FER: variants seen among roughly 807,000 people sequenced by gnomAD.
FER encodes tyrosine-protein kinase Fer.
FER carries 63 observed loss-of-function variants against 111.0 expected under a neutral mutation model. The observed-to-expected ratio is 0.57, with a 90% confidence interval of 0.46 to 0.70. FER has a LOEUF of 0.70. FER is among the 30% of genes least tolerant of loss of function. The pLI, the probability that FER is intolerant of heterozygous loss-of-function variation, is 0.00. For synonymous variants in FER, 327 were observed against 313.9 expected (o/e 1.04, Z -0.44); for missense variants, 914 against 954.0 (o/e 0.96, Z 0.55).
intron 17 of FER, among the ~76,000 whole-genome samples, chr5:109,144,903 G>T (rs1319722393): frequency 6.6e-6 from 1 of 151,986 alleles, no homozygotes; most frequent in Non-Finnish European, 1.5e-5. Flanking sequence ...ATTTGTTACA[G>T]TTTCTCCTCC....
chr5:109,096,625 C>T (rs1331162121), intron 16 of FER, among the ~76,000 whole-genome samples: 1 of 151,692 alleles, frequency 6.6e-6, no homozygotes, highest in Non-Finnish European at 1.5e-5. Context: ...GTTTCTTTCA[C>T]TCTTCAAGCA....
intron 17 of FER, among the ~76,000 whole-genome samples, chr5:109,102,416 G>A (rs558893309): frequency 6.6e-6 from 1 of 152,126 alleles, no homozygotes; most frequent in Admixed American, 6.6e-5. Context: ...GAATGGTAGT[G>A]GCTCTCCCTG....
intron 13 of FER, among the ~76,000 whole-genome samples, chr5:109,027,791 AGTT>A (rs1403823021): frequency 6.6e-6 from 1 of 152,152 alleles, no homozygotes; most frequent in Non-Finnish European, 1.5e-5. Context: ...CTTATTTGAT[AGTT>A]GTTCACTTTA....
At chr5:109,112,067 G>C (rs1222066066) in intron 17 of FER, among the ~76,000 whole-genome samples, 1 of 151,644 alleles carries the variant, frequency 6.6e-6, no homozygotes, top group Non-Finnish European at 1.5e-5. Flanking sequence ...AGTTTTATTT[G>C]CTTTTTGTGG....
chr5:109,118,825 T>A (rs531839991), intron 17 of FER, among the ~76,000 whole-genome samples: 2,692 of 152,260 alleles, frequency 0.018, 72 homozygotes, highest in African/African-American at 0.061. Context: ...GATGGTAGTT[T>A]GTATTTCTGT....
chr5:108,845,067 TACACACACACACACAC>T (rs61156019), intron 5 of FER, among the ~76,000 whole-genome samples: 1 of 53,856 alleles, frequency 1.9e-5, no homozygotes, highest in Non-Finnish European at 3.5e-5. Context: ...TATATATATA[TACACACACACACACAC>T]ACACACACAC....
At chr5:109,098,274 TATTTGTTAAATA>T in intron 16 of FER, among the ~76,000 whole-genome samples, 1 of 152,020 alleles carries the variant, frequency 6.6e-6, no homozygotes, top group East Asian at 1.9e-4. Flanking sequence ...AATAATAGTT[TATTTGTTAAATA>T]ATTTGTTGAA....
At chr5:109,099,015 T>C (rs1358774532) in intron 16 of FER, among the ~76,000 whole-genome samples, 1 of 151,594 alleles carries the variant, frequency 6.6e-6, no homozygotes, top group African/African-American at 2.4e-5. Flanking sequence ...TAAGAAAGCA[T>C]AGATCCCTGG....
rs1046625178 is a variant in FER, at chr5:109,194,831, T to C, written c.*7256T>C. 4 of 145,186 alleles carry C rather than the reference T, an allele frequency of 2.8e-5. No homozygotes were observed. The highest frequency in any genetic ancestry group is 9.8e-5 in the African/African-American group (4 of 40,832). 9.0% of individuals were successfully genotyped at this position (145,186 alleles called of 1,614,324 possible). ...CATTTTTCATATAGCTGTTGTCAAATAGTATAACCTTGGTGTCTTCTTTGA... is the reference window on the plus strand; with the variant it reads ...CATTTTTCATATAGCTGTTGTCAAACAGTATAACCTTGGTGTCTTCTTTGA... On this transcript the variant is annotated 3_prime_UTR_variant, in exon 20 of 20. Transcript: ENST00000281092.
intron 16 of FER, among the ~76,000 whole-genome samples, chr5:109,068,114 GA>G (rs1775332707): frequency 6.6e-6 from 1 of 151,444 alleles, no homozygotes; most frequent in Admixed American, 6.6e-5. Flanking sequence ...AATTTCTTTA[GA>G]AAACTGAGAA....
chr5:109,186,509 A>G (rs1180242735), intron 19 of FER, among the ~76,000 whole-genome samples, 187 bp downstream of exon 19: 1 of 152,174 alleles, frequency 6.6e-6, no homozygotes, highest in Non-Finnish European at 1.5e-5. Context: ...AAGGATTTCA[A>G]TGCGAGAGAG....
rs1384884909 is a variant in FER, at chr5:109,190,380, T to A, written c.*2805T>A. ...TATTCAAGATATATATATATATTCT[T>A]ACTACTGCATAGTTCCTCTCATAAG... On this transcript the variant is annotated 3_prime_UTR_variant, in exon 20 of 20. Transcript: ENST00000281092. 3 of 152,276 alleles carry A rather than the reference T, an allele frequency of 2.0e-5. No individual in the cohort carries two copies. In the East Asian group the frequency reaches 5.8e-4, roughly 29 times the overall value. 9.4% of individuals were successfully genotyped at this position (152,276 alleles called of 1,614,324 possible). A position where few individuals can be genotyped will look rare whatever the true frequency, so the allele number is the denominator to read the frequency against.
At chr5:109,052,328 C>G in intron 16 of FER, 2 of 1,603,466 alleles carry the variant, frequency 1.2e-6, no homozygotes, top group Middle Eastern at 1.7e-4. Context: ...TCTCCCCAGG[C>G]TGACTCAACC....
chr5:108,989,642 G>C (rs549974992), intron 13 of FER, among the ~76,000 whole-genome samples: 1 of 151,686 alleles, frequency 6.6e-6, no homozygotes, highest in East Asian at 1.9e-4. Flanking sequence ...TTCTTTATTT[G>C]ATTACATTAG....
At chr5:109,038,565 C>T (rs72790571) in intron 14 of FER, among the ~76,000 whole-genome samples, 28,303 of 151,714 alleles carry the variant, frequency 0.19, 2,808 homozygotes, top group Non-Finnish European at 0.22. Flanking sequence ...TATTGGAAAG[C>T]AGATTTTTAT....
At chr5:108,962,689 C>T (rs1451586552) in intron 13 of FER, among the ~76,000 whole-genome samples, 1 of 152,134 alleles carries the variant, frequency 6.6e-6, no homozygotes, top group Non-Finnish European at 1.5e-5. Context: ...CCTTTTTATA[C>T]ACATTATCTC....
At chr5:108,913,079 A>G (rs1355150732) in intron 10 of FER, among the ~76,000 whole-genome samples, 2 of 152,224 alleles carry the variant, frequency 1.3e-5, no homozygotes, top group Non-Finnish European at 2.9e-5. Flanking sequence ...TCAGTAAATG[A>G]AAGGGAGTGT....
chr5:108,811,919 A>T (rs1234504311), intron 3 of FER, among the ~76,000 whole-genome samples: 1 of 151,516 alleles, frequency 6.6e-6, no homozygotes, highest in Admixed American at 6.6e-5. Flanking sequence ...CTTGTCATCG[A>T]ATCTTCTGGT....
At chr5:108,889,888 T>G (rs930617080) in intron 9 of FER, among the ~76,000 whole-genome samples, 1 of 151,978 alleles carries the variant, frequency 6.6e-6, no homozygotes, top group Non-Finnish European at 1.5e-5. Flanking sequence ...TAAATTAATT[T>G]TTTTATTTTG....
Sources: allele counts gnomAD v4.1 joint callset (sites outside exome capture counted in the v4.1 genomes callset), GRCh38; gene constraint gnomAD v4.1.1; transcripts MANE v1.5; gene names NCBI Gene and HGNC (gene_info 2026-07-23, HGNC 2026-07-21).